Variants in MACROD2 observed in about 807,000 individuals in gnomAD.
MACROD2 encodes the protein mono-ADP ribosylhydrolase 2.
MACROD2 carries 36 observed loss-of-function variants against 70.4 expected under a neutral mutation model. The observed-to-expected ratio is 0.51, with a 90% CI of 0.39 to 0.68. The LOEUF is 0.68. Ranked by LOEUF, MACROD2 falls within the 30% of genes least tolerant of loss-of-function variation. The probability of loss-of-function intolerance (pLI) is 0.00; values close to 1 mark genes in which losing one functional copy is unlikely to be tolerated. For missense variants in MACROD2, 496 were observed against 538.4 expected (o/e 0.92, Z 0.78); for synonymous variants, 172 against 178.8 (o/e 0.96, Z 0.30).
At chr20:15,585,945 G>A (rs2146656980) in intron 8 of MACROD2, among the ~76,000 whole-genome samples, 1 of 152,176 alleles carries the variant, frequency 6.6e-6, no homozygotes, top group Middle Eastern at 3.4e-3. Context: ...TGAGAATTTA[G>A]GATTATGCAT....
Position 14,132,367 on chromosome 20 carries a change from C to T in MACROD2, c.271+46639C>T, listed in dbSNP as rs184361752. ...CAGACCCTTTTGGCTTTATTGACAG[C>T]CTTTGAATTTTAAGTAAATGCTGAA... On this transcript the variant is annotated intron_variant, in intron 3 of 17. Transcript: ENST00000684519. Among the ~76,000 whole-genome samples the T allele has an allele frequency of 1.3e-4, 20 of 151,922 alleles. No homozygotes were observed. The East Asian group carries it at 3.5e-3, about 27-fold the overall frequency.
At chr20:14,079,415 A>G (rs565295048) in intron 2 of MACROD2, among the ~76,000 whole-genome samples, 1 of 152,266 alleles carries the variant, frequency 6.6e-6, no homozygotes, top group African/African-American at 2.4e-5. Flanking sequence ...AAATAAGATA[A>G]TTTTTATGGT....
intron 15 of MACROD2, among the ~76,000 whole-genome samples, chr20:15,989,349 T>C (rs2066527390): frequency 6.6e-6 from 1 of 152,166 alleles, no homozygotes; most frequent in African/African-American, 2.4e-5. Flanking sequence ...TTTGATATGG[T>C]CTAAACTCTT....
intron 5 of MACROD2, among the ~76,000 whole-genome samples, chr20:14,821,600 A>G (rs945809533): frequency 6.6e-6 from 1 of 152,044 alleles, no homozygotes; most frequent in African/African-American, 2.4e-5. Context: ...AAACAGCCTC[A>G]CCTAATTGTT....
Position 15,247,079 on chromosome 20 carries a change from T to A in MACROD2, c.540+17018T>A, listed in dbSNP as rs558301592. Among the ~76,000 whole-genome samples, 54 of 152,302 alleles carry A rather than the reference T, an allele frequency of 3.5e-4. No homozygotes were observed. In the South Asian group the frequency reaches 0.011, roughly 31 times the overall value. ...GGGGTGTGACTGCTAATAGGGTATC[T>A]TTTTTGAGGTGATGGAAATGATCTG... On this transcript the variant is annotated intron_variant, in intron 6 of 17. Transcript: ENST00000684519.
chr20:14,051,663 A>G (rs1373038714), intron 2 of MACROD2: 2 of 340,288 alleles, frequency 5.9e-6, no homozygotes, highest in African/African-American at 4.4e-5. Flanking sequence ...GAGTCAGCAT[A>G]TAAATAAAAT....
chr20:15,339,975 G>A (rs1425649856), intron 6 of MACROD2, among the ~76,000 whole-genome samples: 2 of 148,224 alleles, frequency 1.3e-5, no homozygotes, highest in African/African-American at 5.3e-5. Context: ...AGTCATGTAG[G>A]AAAGCCAGCA....
intron 3 of MACROD2, among the ~76,000 whole-genome samples, chr20:14,405,184 T>C (rs1207411588): frequency 1.3e-5 from 2 of 152,156 alleles, no homozygotes; most frequent in African/African-American, 4.8e-5. Context: ...TGTACTAAGC[T>C]AAAAATAATT....
intron 3 of MACROD2, among the ~76,000 whole-genome samples, chr20:14,433,417 T>C (rs942665628): frequency 5.9e-5 from 9 of 152,138 alleles, no homozygotes; most frequent in African/African-American, 2.2e-4. Flanking sequence ...TTTTCTAGTA[T>C]GACCAATAAT....
intron 15 of MACROD2, among the ~76,000 whole-genome samples, chr20:16,004,890 C>T (rs2066767071): frequency 6.6e-6 from 1 of 152,200 alleles, no homozygotes; most frequent in Non-Finnish European, 1.5e-5. Context: ...GACTCAGAGC[C>T]AAGTGTGAAC....
At chr20:15,640,422 C>T (rs1248374063) in intron 8 of MACROD2, among the ~76,000 whole-genome samples, 1 of 152,118 alleles carries the variant, frequency 6.6e-6, no homozygotes, top group Admixed American at 6.6e-5. Context: ...GGGGGCCAAA[C>T]GTGATGCTTG....
At chr20:15,590,014 T>C (rs561077837) in intron 8 of MACROD2, among the ~76,000 whole-genome samples, 3 of 152,276 alleles carry the variant, frequency 2.0e-5, no homozygotes, top group African/African-American at 7.2e-5. Flanking sequence ...TCATAATTAT[T>C]TAATCACTGT....
chr20:15,474,890 C>G (rs1413542495), intron 7 of MACROD2, among the ~76,000 whole-genome samples: 18 of 152,110 alleles, frequency 1.2e-4, no homozygotes, highest in Non-Finnish European at 2.9e-5. Flanking sequence ...TGTCTCCCCA[C>G]AGCAGGTAGG....
intron 8 of MACROD2, among the ~76,000 whole-genome samples, chr20:15,843,351 T>C (rs1026648264): frequency 6.6e-6 from 1 of 152,326 alleles, no homozygotes; most frequent in Non-Finnish European, 1.5e-5. Flanking sequence ...ATGTGCACTG[T>C]GAGCAGAGTG....
intron 8 of MACROD2, among the ~76,000 whole-genome samples, chr20:15,522,127 A>T (rs2047661320): frequency 6.6e-6 from 1 of 152,174 alleles, no homozygotes; most frequent in Admixed American, 6.5e-5. Flanking sequence ...TGAGGTAATC[A>T]AGGTGCTTGG....
At chr20:14,276,741 G>T (rs1366350272) in intron 3 of MACROD2, among the ~76,000 whole-genome samples, 2 of 152,040 alleles carry the variant, frequency 1.3e-5, no homozygotes, top group African/African-American at 4.8e-5. Context: ...CATACTACCA[G>T]GTATGGTCTC....
intron 5 of MACROD2, among the ~76,000 whole-genome samples, chr20:14,690,877 T>G (rs2071054972): frequency 6.6e-6 from 1 of 152,196 alleles, no homozygotes; most frequent in Non-Finnish European, 1.5e-5. Flanking sequence ...TGGAAAAAGT[T>G]TGCCAGCCCC....
intron 5 of MACROD2, among the ~76,000 whole-genome samples, chr20:14,934,147 G>T (rs144188809): frequency 6.6e-6 from 1 of 152,106 alleles, no homozygotes; most frequent in South Asian, 2.1e-4. Flanking sequence ...TTACCAAGAC[G>T]AATGAGCTCA....
At chr20:14,179,413 CTAAGT>C (rs1230352115) in intron 3 of MACROD2, among the ~76,000 whole-genome samples, 3 of 152,092 alleles carry the variant, frequency 2.0e-5, no homozygotes, top group Non-Finnish European at 4.4e-5. Flanking sequence ...TGTGCCCTTG[CTAAGT>C]TTTCTATTTT....
Sources: gnomAD v4.1 joint callset for allele counts (sites outside exome capture counted in the v4.1 genomes callset) on GRCh38, gnomAD v4.1.1 for gene constraint, MANE v1.5 for transcripts, NCBI Gene and HGNC (gene_info 2026-07-23, HGNC 2026-07-21) for gene names.